Variants in SCHIP1 observed in about 807,000 individuals in gnomAD.
SCHIP1 encodes the protein schwannomin-interacting protein 1.
SCHIP1 carries 8 observed loss-of-function variants against 29.7 expected under a neutral mutation model. The ratio of observed to expected loss-of-function variants is 0.27; its 90% CI spans 0.16 to 0.49. The LOEUF is 0.49. SCHIP1 is among the 20% of genes least tolerant of loss of function. The probability of loss-of-function intolerance (pLI) is 0.99; values close to 1 mark genes in which losing one functional copy is unlikely to be tolerated. For synonymous variants in SCHIP1, 76 were observed against 94.9 expected (o/e 0.80, Z 1.16); for missense variants, 193 against 294.6 (o/e 0.66, Z 2.52).
chr3:159,532,789 C>T, the SCHIP1 span, among the ~76,000 whole-genome samples: 3 of 152,126 alleles, frequency 2.0e-5, no homozygotes, highest in Non-Finnish European at 4.4e-5. Context: ...TTGATGACAT[C>T]ACTAGAACTG....
chr3:159,891,078 G>C (rs369513814), intron 5 of SCHIP1, among the ~76,000 whole-genome samples: 2 of 152,224 alleles, frequency 1.3e-5, no homozygotes, highest in South Asian at 2.1e-4. Context: ...AGGAAGATTA[G>C]ATATATTTCG....
chr3:159,734,011 C>T, the SCHIP1 span, among the ~76,000 whole-genome samples: 1 of 151,808 alleles, frequency 6.6e-6, no homozygotes, highest in Non-Finnish European at 1.5e-5. Context: ...TTGTACCAAG[C>T]AAATCCAGAA....
At chr3:159,790,548 TG>T in the SCHIP1 span, among the ~76,000 whole-genome samples, 1 of 152,004 alleles carries the variant, frequency 6.6e-6, no homozygotes, top group East Asian at 1.9e-4. Context: ...TAGCTGGCCA[TG>T]GTGGTATGTA....
the SCHIP1 span, among the ~76,000 whole-genome samples, chr3:159,631,724 A>G: frequency 6.6e-6 from 1 of 152,182 alleles, no homozygotes; most frequent in Non-Finnish European, 1.5e-5. Flanking sequence ...TGGTTGAGAT[A>G]ATGAAACACT....
the SCHIP1 span, among the ~76,000 whole-genome samples, chr3:159,404,103 T>C: frequency 3.3e-5 from 5 of 152,284 alleles, no homozygotes; most frequent in East Asian, 7.7e-4. Context: ...TAAAGAGCCC[T>C]TGGGCCCTGA....
At chr3:159,764,410 C>T in the SCHIP1 span, 1 of 1,544,282 alleles carries the variant, frequency 6.5e-7, no homozygotes, top group Non-Finnish European at 8.7e-7. This position sits in a 1 kb window ranked among gnomAD's most constrained non-coding sequence, Gnocchi z 6.1. Context: ...GCAGGCTTGG[C>T]CCAGCAGCTC....
chr3:159,675,280 G>T, the SCHIP1 span, among the ~76,000 whole-genome samples: 6 of 152,332 alleles, frequency 3.9e-5, no homozygotes, highest in East Asian at 1.2e-3. Context: ...GATAATGCTA[G>T]TGAAGAGGAA....
At chr3:159,756,649 T>C in the SCHIP1 span, among the ~76,000 whole-genome samples, 2 of 152,154 alleles carry the variant, frequency 1.3e-5, no homozygotes, top group East Asian at 3.8e-4. Context: ...AGAAAATGGG[T>C]TTTTCCTTTT....
At chr3:159,283,350 A>G in the SCHIP1 span, among the ~76,000 whole-genome samples, 3 of 152,116 alleles carry the variant, frequency 2.0e-5, no homozygotes, top group South Asian at 2.1e-4. Flanking sequence ...ACGAGGTTTC[A>G]CCATGTTGGC....
At chr3:159,664,352 A>C in the SCHIP1 span, among the ~76,000 whole-genome samples, 63 of 152,328 alleles carry the variant, frequency 4.1e-4, no homozygotes, top group Middle Eastern at 6.8e-3. Flanking sequence ...TAGTAGTTAT[A>C]GTCCCTTATT....
chr3:159,573,806 TTCTTTTTAC>T, the SCHIP1 span, among the ~76,000 whole-genome samples: 39 of 152,256 alleles, frequency 2.6e-4, no homozygotes, highest in Non-Finnish European at 4.7e-4. Flanking sequence ...CTTTGTTCGT[TTCTTTTTAC>T]TCTTTTTTCT....
At chr3:159,505,283 T>C in the SCHIP1 span, among the ~76,000 whole-genome samples, 2 of 152,134 alleles carry the variant, frequency 1.3e-5, no homozygotes, top group African/African-American at 2.4e-5. Flanking sequence ...CCAAAATTAA[T>C]CTATGAATTC....
the SCHIP1 span, among the ~76,000 whole-genome samples, chr3:159,680,670 T>TAA: frequency 1.1e-3 from 9 of 8,182 alleles, no homozygotes; most frequent in Non-Finnish European, 2.0e-3. Flanking sequence ...AAAATATATA[T>TAA]TATATATATA....
the SCHIP1 span, among the ~76,000 whole-genome samples, chr3:159,734,116 T>G: frequency 6.6e-6 from 1 of 151,428 alleles, no homozygotes; most frequent in East Asian, 1.9e-4. Context: ...TACCATATTG[T>G]TATTATTATT....
At chr3:159,290,233 T>C in the SCHIP1 span, among the ~76,000 whole-genome samples, 1 of 152,370 alleles carries the variant, frequency 6.6e-6, no homozygotes, top group South Asian at 2.1e-4. Flanking sequence ...CTTTGGGATG[T>C]ATTATTGAAA....
At chr3:159,629,348 C>T in the SCHIP1 span, among the ~76,000 whole-genome samples, 4 of 152,244 alleles carry the variant, frequency 2.6e-5, no homozygotes, top group East Asian at 7.7e-4. Context: ...AAGTCTTCTC[C>T]ATTTGCTTAT....
At chr3:159,561,894 C>G in the SCHIP1 span, among the ~76,000 whole-genome samples, 1 of 152,098 alleles carries the variant, frequency 6.6e-6, no homozygotes, top group Non-Finnish European at 1.5e-5. Flanking sequence ...TTTCCCTTCT[C>G]CTGCAGTGGT....
the SCHIP1 span, among the ~76,000 whole-genome samples, chr3:159,745,748 A>T: frequency 2.6e-5 from 4 of 152,216 alleles, no homozygotes; most frequent in Non-Finnish European, 5.9e-5. Context: ...CTTGTTTAGT[A>T]GATTACTATT....
the SCHIP1 span, among the ~76,000 whole-genome samples, chr3:159,547,304 C>T: frequency 6.6e-6 from 1 of 152,112 alleles, no homozygotes; most frequent in Non-Finnish European, 1.5e-5. Context: ...CTTGTAGACT[C>T]TGAATATTAG....
Sources: gnomAD v4.1 joint callset for allele counts (sites outside exome capture counted in the v4.1 genomes callset) on GRCh38, gnomAD v4.1.1 for gene constraint, Gnocchi (gnomAD v3.1) non-coding constraint, MANE v1.5 for transcripts, NCBI Gene and HGNC (gene_info 2026-07-23, HGNC 2026-07-21) for gene names.